BOLA3: variants seen among roughly 807,000 people sequenced by gnomAD.
BOLA3 encodes bolA family member 3, also known as bolA-like protein 3.
BOLA3 carries 8 observed loss-of-function variants against 14.5 expected under a neutral mutation model. The observed-to-expected ratio is 0.55, with a 90% CI of 0.32 to 0.99. BOLA3 has a LOEUF of 0.99. BOLA3 is among the 50% of genes least tolerant of loss of function. The pLI is 0.04. For synonymous variants in BOLA3, 42 were observed against 45.7 expected (o/e 0.92, Z 0.33); for missense variants, 115 against 138.2 (o/e 0.83, Z 0.84).
At chr2:74,145,153 A>T (rs1418212244) in intron 2 of BOLA3, 36 bp downstream of exon 2, 2 of 1,233,304 alleles carry the variant, frequency 1.6e-6, no homozygotes, top group Non-Finnish European at 2.4e-6. Flanking sequence ...GCAAAATCTT[A>T]TCCAAGCGCC....
At chr2:74,146,189 C>G (rs1692541053) in intron 1 of BOLA3, 1 of 152,030 alleles carries the variant, frequency 6.6e-6, no homozygotes, top group Admixed American at 6.6e-5. Context: ...GATGAGGTTT[C>G]ACCATGTTGG....
chr2:74,139,269 C>T (rs182875686), intron 3 of BOLA3, among the ~76,000 whole-genome samples: 188 of 152,270 alleles, frequency 1.2e-3, no homozygotes, highest in African/African-American at 3.3e-3. Context: ...CTCTACAGCA[C>T]CAGGATGAAC....
At chr2:74,139,494 G>C (rs1234729768) in intron 3 of BOLA3, among the ~76,000 whole-genome samples, 2 of 151,764 alleles carry the variant, frequency 1.3e-5, no homozygotes, top group East Asian at 3.9e-4. Context: ...CCTCCTCCTA[G>C]GGCAGTGCCT....
intron 2 of BOLA3, among the ~76,000 whole-genome samples, chr2:74,143,079 G>T (rs1000388741): frequency 6.6e-6 from 1 of 152,192 alleles, no homozygotes; most frequent in African/African-American, 2.4e-5. Flanking sequence ...AATAACATGG[G>T]CAAGAATATG....
At position 74,135,676 on chromosome 2, in the gene BOLA3, A is replaced by G; in HGVS notation, c.259-18T>C. On this transcript the variant is annotated intron_variant, in intron 3 of 3. Transcript: ENST00000327428. Reference sequence around the variant, plus strand: ...TTTAGTGCCTAAGTAAGAAAACAGCATCATCAGTTTTTGTGTATTTGACGT... The same window carrying G: ...TTTAGTGCCTAAGTAAGAAAACAGCGTCATCAGTTTTTGTGTATTTGACGT... 6.4e-7 allele frequency: 1 copy of G among 1,559,952 alleles called. No homozygotes were observed. Among genetic ancestry groups the G allele is most frequent in the Non-Finnish European group, 8.8e-7 (1 of 1,130,748 alleles).
In BOLA3 at chr2:74,145,319, G is replaced by A. The variant is rs1692524249; in HGVS notation, c.55-16C>T. 3 of 1,445,298 alleles carry A rather than the reference G, an allele frequency of 2.1e-6. No homozygotes were observed. The highest frequency in any genetic ancestry group is 1.4e-5 in the African/African-American group (1 of 71,760). The allele number at this position is 1,445,298 out of a possible 1,614,324, so 89.5% of individuals were successfully genotyped here. On this transcript the variant is annotated splice_polypyrimidine_tract_variant and intron_variant, in intron 1 of 3. Transcript: ENST00000327428. The stretch of plus-strand genomic sequence containing the variant: ...GAAGTGGAAGCTGCCACAGAACAGA[G>A]AGGAAGGTCAGGGCAGAGGAAGATG...
intron 2 of BOLA3, among the ~76,000 whole-genome samples, chr2:74,143,060 C>G (rs1195330806): frequency 3.9e-5 from 6 of 152,176 alleles, no homozygotes; most frequent in Non-Finnish European, 8.8e-5. Flanking sequence ...ACACACAGCT[C>G]TAGCATGAAA....
intron 1 of BOLA3, chr2:74,145,523 G>A: frequency 1.7e-6 from 1 of 576,608 alleles, no homozygotes; most frequent in East Asian, 2.9e-5. Context: ...CAGGATGATT[G>A]TTAATAACTC....
intron 2 of BOLA3, among the ~76,000 whole-genome samples, chr2:74,144,001 G>A (rs1572943275): frequency 8.0e-6 from 1 of 125,488 alleles, no homozygotes; most frequent in East Asian, 2.4e-4. Flanking sequence ...CCTGGCCCCA[G>A]CAGATTTTTT....
chr2:74,139,299 G>A (rs1692393688), intron 3 of BOLA3, among the ~76,000 whole-genome samples: 1 of 152,150 alleles, frequency 6.6e-6, no homozygotes, highest in African/African-American at 2.4e-5. Flanking sequence ...CATAGGGTGA[G>A]TAGGCAAAAT....
intron 3 of BOLA3, among the ~76,000 whole-genome samples, chr2:74,140,683 G>T (rs1692422970): frequency 6.6e-6 from 1 of 152,216 alleles, no homozygotes; most frequent in Admixed American, 6.5e-5. Flanking sequence ...CCCCAGACTG[G>T]TGCAGGTTCC....
chr2:74,138,467 C>A (rs1042693801), intron 3 of BOLA3, among the ~76,000 whole-genome samples: 12 of 152,256 alleles, frequency 7.9e-5, no homozygotes, highest in Non-Finnish European at 1.5e-4. Flanking sequence ...ACAAGGGCCA[C>A]ACACAGGAGG....
intron 3 of BOLA3, among the ~76,000 whole-genome samples, chr2:74,136,878 G>A (rs1309126113): frequency 6.6e-6 from 1 of 152,172 alleles, no homozygotes; most frequent in Non-Finnish European, 1.5e-5. Flanking sequence ...GCTACAAATG[G>A]TGTCAGAGCC....
chr2:74,145,082 A>AAGCC, intron 2 of BOLA3, 107 bp downstream of exon 2: 1 of 741,012 alleles, frequency 1.3e-6, no homozygotes, highest in Non-Finnish European at 2.5e-6. Context: ...ACATCTTGAG[A>AAGCC]AGCCACTCAC....
intron 1 of BOLA3, chr2:74,147,532 T>C (rs1692569099): frequency 8.4e-6 from 4 of 478,374 alleles, no homozygotes; most frequent in Middle Eastern, 5.4e-4. Context: ...TTTTTTTTCC[T>C]GTGCCCGCAG....
rs373560607 is a variant in BOLA3, at chr2:74,139,533, T to C, written c.258+2739A>G. On this transcript the variant is annotated intron_variant, in intron 3 of 3. Transcript: ENST00000327428. ...AGAACCCCATTCCCAACAGCTGTCC[T>C]GAGCAGGGCAGCTCCAGGTCCCGGC... Among the ~76,000 whole-genome samples the C allele has an allele frequency of 3.3e-5, 5 of 152,232 alleles. No homozygotes were observed. In the East Asian group the frequency reaches 7.7e-4, roughly 24 times the overall value.
intron 3 of BOLA3, among the ~76,000 whole-genome samples, chr2:74,136,731 T>C (rs1692339185): frequency 6.6e-6 from 1 of 152,254 alleles, no homozygotes; most frequent in Non-Finnish European, 1.5e-5. Flanking sequence ...TTTAGGCTGT[T>C]TCCTGTGTTT....
At chr2:74,136,266 T>C (rs10187593) in intron 3 of BOLA3, among the ~76,000 whole-genome samples, 1,880 of 152,246 alleles carry the variant, frequency 0.012, 33 homozygotes, top group African/African-American at 0.044. Flanking sequence ...TTGTGTATCT[T>C]TACAGGGACT....
chr2:74,143,792 T>A (rs1479819753), intron 2 of BOLA3, among the ~76,000 whole-genome samples: 4 of 151,070 alleles, frequency 2.6e-5, no homozygotes, highest in African/African-American at 9.8e-5. Flanking sequence ...GTTCAAGCGA[T>A]TCTCCTGCCT....
Sources: gnomAD v4.1 joint callset for allele counts (sites outside exome capture counted in the v4.1 genomes callset) on GRCh38, gnomAD v4.1.1 for gene constraint, MANE v1.5 for transcripts, NCBI Gene and HGNC (gene_info 2026-07-23, HGNC 2026-07-21) for gene names.